The following AMPD3 variants were observed in gnomAD, a reference collection of about 807,000 sequenced individuals.
The protein encoded by AMPD3 is AMP deaminase 3.
In AMPD3, 57 loss-of-function variants were observed where a neutral mutation model predicts 82.3. The ratio of observed to expected loss-of-function variants is 0.69; its 90% CI spans 0.56 to 0.86. The LOEUF (loss-of-function observed/expected upper bound fraction) is 0.86. Ranked by LOEUF, AMPD3 falls within the 40% of genes least tolerant of loss-of-function variation. The pLI is 0.00. For missense variants in AMPD3, 870 were observed against 1,003.8 expected (o/e 0.87, Z 1.80); for synonymous variants, 381 against 394.7 (o/e 0.97, Z 0.41).
upstream of AMPD3, chr11:10,455,086 G>A: frequency 1.0e-6 from 1 of 953,104 alleles, no homozygotes; most frequent in Non-Finnish European, 1.2e-6. Context: ...AGGTGACTCA[G>A]GCCCAAGTCA....
chr11:10,459,627 G>A (rs1490691974), intron 1 of AMPD3, among the ~76,000 whole-genome samples: 1 of 152,150 alleles, frequency 6.6e-6, no homozygotes. Context: ...AGAAACTGTG[G>A]TCATAGGTAG....
chr11:10,497,005 T>G (rs1487599978), intron 10 of AMPD3, 67 bp downstream of exon 10: 50 of 1,586,490 alleles, frequency 3.2e-5, no homozygotes, highest in Non-Finnish European at 4.1e-5. Context: ...CGCTGTGAGC[T>G]GGGTCAGGCT....
intron 4 of AMPD3, chr11:10,484,345 G>T (rs1193401722): frequency 4.1e-6 from 4 of 985,092 alleles, no homozygotes; most frequent in Non-Finnish European, 4.8e-6. Context: ...TCTTTATCTA[G>T]CCCCTCACCT....
At chr11:10,477,930 G>A (rs1006510395) in intron 2 of AMPD3, 34 of 985,406 alleles carry the variant, frequency 3.5e-5, no homozygotes, top group Middle Eastern at 5.2e-4. Flanking sequence ...GATGGCGGTC[G>A]CTAGTCCACG....
chr11:10,495,525 G>A (rs757420467), intron 8 of AMPD3, 45 bp from the exon 9 acceptor site: 1 of 1,611,890 alleles, frequency 6.2e-7, no homozygotes, highest in Admixed American at 1.7e-5. Flanking sequence ...AGTCTCCCAT[G>A]TAGCTGGGAT....
upstream of AMPD3, among the ~76,000 whole-genome samples, chr11:10,454,116 GCAA>G (rs1848028160): frequency 6.6e-6 from 1 of 152,328 alleles, no homozygotes; most frequent in Non-Finnish European, 1.5e-5. Flanking sequence ...GCAAGAAGCA[GCAA>G]CAAGTTAGGC....
intron 2 of AMPD3, among the ~76,000 whole-genome samples, chr11:10,463,383 C>T (rs1848327855): frequency 6.6e-6 from 1 of 152,176 alleles, no homozygotes; most frequent in Non-Finnish European, 1.5e-5. Context: ...TGAGTGCCAG[C>T]CTTGTGTTGG....
At chr11:10,485,192 T>G (rs1320082309) in intron 5 of AMPD3, among the ~76,000 whole-genome samples, 153 bp downstream of exon 5, 1 of 152,048 alleles carries the variant, frequency 6.6e-6, no homozygotes, top group Non-Finnish European at 1.5e-5. Context: ...GCTTTGCGGG[T>G]TTCTGCAACA....
intron 3 of AMPD3, chr11:10,481,773 A>G: frequency 2.2e-6 from 1 of 460,296 alleles, no homozygotes; most frequent in Non-Finnish European, 4.0e-6. Context: ...AGGGAAGCTC[A>G]TTAGAGATTC....
intron 3 of AMPD3, 98 bp downstream of exon 3, chr11:10,478,828 C>G: frequency 2.3e-6 from 3 of 1,293,842 alleles, no homozygotes; most frequent in Admixed American, 1.9e-5. Flanking sequence ...CTGGCCCTGT[C>G]CGTGGATGTC....
At chr11:10,490,403 C>A in intron 6 of AMPD3, 1 of 844,904 alleles carries the variant, frequency 1.2e-6, no homozygotes, top group Non-Finnish European at 1.4e-6. Context: ...ACCCCTAAAG[C>A]TTAGTGAAAA....
In AMPD3 at chr11:10,456,279, G is replaced by A; in HGVS notation, c.-6+831G>A. Reference sequence around the variant, plus strand: ...CAGAGACCTCCTACTCCAGCCGGCAGACAGGACCCAGCCAGCTGCACGCAC... The same window carrying A: ...CAGAGACCTCCTACTCCAGCCGGCAAACAGGACCCAGCCAGCTGCACGCAC... On this transcript the variant is annotated intron_variant, in intron 1 of 14. Transcript: ENST00000396553. This position sits in a 1 kb window ranked among gnomAD's most constrained non-coding sequence, Gnocchi z 4.3. The A allele has an allele frequency of 6.3e-7, 1 of 1,582,022 alleles. No individual in the cohort carries two copies. Among genetic ancestry groups the A allele is most frequent in the Middle Eastern group, 1.9e-4 (1 of 5,366 alleles).
intron 2 of AMPD3, among the ~76,000 whole-genome samples, chr11:10,476,527 T>C (rs1005241864): frequency 1.3e-5 from 2 of 152,160 alleles, no homozygotes; most frequent in Admixed American, 1.3e-4. Flanking sequence ...TTGCTCACCT[T>C]AGATGTCACC....
intron 14 of AMPD3, chr11:10,505,472 G>A: frequency 3.1e-6 from 3 of 983,292 alleles, no homozygotes; most frequent in South Asian, 4.7e-5. Flanking sequence ...ATCAAGGAAA[G>A]CACAGCCAGG....
In AMPD3 at chr11:10,498,993, G is replaced by T. The variant is rs531349209; in HGVS notation, c.1558-1093G>T. Among the ~76,000 whole-genome samples, 5 of 152,246 alleles carry T rather than the reference G, an allele frequency of 3.3e-5. No homozygotes were observed. The East Asian group carries it at 9.7e-4, about 29-fold the overall frequency. ...CAAGGTAGAACTGCAGTGGAAGGGT[G>T]GGGGTTTCCTGAGGCTACTCAGGCC... On this transcript the variant is annotated intron_variant, in intron 10 of 14. Coordinates refer to ENST00000396553, the MANE Select transcript of AMPD3 (RefSeq NM_001025389.2).
At chr11:10,490,139 A>T (rs1269565794) in intron 6 of AMPD3, among the ~76,000 whole-genome samples, 3 of 152,162 alleles carry the variant, frequency 2.0e-5, no homozygotes, top group Non-Finnish European at 2.9e-5. Flanking sequence ...GTGGCCGTGG[A>T]TCTGTGTGGG....
intron 14 of AMPD3, 25 bp from the exon 15 acceptor site, chr11:10,505,683 C>T (rs760577402): frequency 6.2e-7 from 1 of 1,611,304 alleles, no homozygotes; most frequent in Non-Finnish European, 8.5e-7. Context: ...TATATAGTTT[C>T]ATTTGTATTT....
At chr11:10,481,783 C>T (rs975091773) in intron 3 of AMPD3, 15 of 474,128 alleles carry the variant, frequency 3.2e-5, no homozygotes, top group South Asian at 1.9e-4. Context: ...ATTAGAGATT[C>T]GGTGCCCAGG....
At chr11:10,499,834 A>G in intron 10 of AMPD3, 1 of 985,340 alleles carries the variant, frequency 1.0e-6, no homozygotes, top group Non-Finnish European at 1.2e-6. Flanking sequence ...ACCACCACAC[A>G]GGGGCTTGGC....
Sources: gnomAD v4.1 joint callset for allele counts (sites outside exome capture counted in the v4.1 genomes callset) on GRCh38, gnomAD v4.1.1 for gene constraint, Gnocchi (gnomAD v3.1) non-coding constraint, MANE v1.5 for transcripts, NCBI Gene and HGNC (gene_info 2026-07-23, HGNC 2026-07-21) for gene names.